CSTPP1: variants seen among roughly 807,000 people sequenced by gnomAD.
CSTPP1 encodes UPF0705 protein C11orf49.
the CSTPP1 span, among the ~76,000 whole-genome samples, chr11:47,069,035 T>G: frequency 6.6e-6 from 1 of 152,210 alleles, no homozygotes; most frequent in Non-Finnish European, 1.5e-5. Context: ...ATATTAAAAT[T>G]TACTGTGTAA....
At chr11:47,101,183 TTTTTTTA>T in the CSTPP1 span, among the ~76,000 whole-genome samples, 5 of 99,156 alleles carry the variant, frequency 5.0e-5, no homozygotes, top group East Asian at 2.2e-4. Flanking sequence ...TTTTTTTTTT[TTTTTTTA>T]TTTTATTTTT....
At chr11:46,942,371 G>A in the CSTPP1 span, among the ~76,000 whole-genome samples, 1 of 152,136 alleles carries the variant, frequency 6.6e-6, no homozygotes, top group Non-Finnish European at 1.5e-5. Context: ...AGAGCCAAAG[G>A]GCAGCCTGTT....
the CSTPP1 span, among the ~76,000 whole-genome samples, chr11:47,110,890 CTT>C: frequency 1.4e-4 from 18 of 125,428 alleles, no homozygotes; most frequent in Non-Finnish European, 1.2e-4. Flanking sequence ...GAGAACACAT[CTT>C]TTTTTTTTTT....
At chr11:47,038,706 G>A in the CSTPP1 span, among the ~76,000 whole-genome samples, 1 of 124,746 alleles carries the variant, frequency 8.0e-6, no homozygotes, top group African/African-American at 2.5e-5. Context: ...CCTGCCGGAC[G>A]AGGTGGCTCC....
At chr11:47,123,047 T>G in the CSTPP1 span, 1 of 152,220 alleles carries the variant, frequency 6.6e-6, no homozygotes, top group Admixed American at 6.5e-5. Context: ...GGAACCATAC[T>G]CTATATGACA....
the CSTPP1 span, chr11:47,041,637 GT>G: frequency 4.8e-6 from 2 of 420,852 alleles, no homozygotes; most frequent in African/African-American, 1.9e-5. Context: ...TGCTCAGCAT[GT>G]TTTCCTTCTC....
the CSTPP1 span, among the ~76,000 whole-genome samples, chr11:46,954,993 C>G: frequency 6.6e-6 from 1 of 152,124 alleles, no homozygotes; most frequent in Non-Finnish European, 1.5e-5. Context: ...CCCAAAGGGG[C>G]TCAGTCTCCT....
chr11:47,138,375 T>G, the CSTPP1 span, among the ~76,000 whole-genome samples: 1 of 152,224 alleles, frequency 6.6e-6, no homozygotes, highest in Admixed American at 6.5e-5. Flanking sequence ...GGATTACAAT[T>G]CGGGTTGAGA....
the CSTPP1 span, among the ~76,000 whole-genome samples, chr11:47,079,164 C>A: frequency 1.3e-5 from 2 of 151,822 alleles, no homozygotes; most frequent in African/African-American, 4.8e-5. Context: ...TCATGAGCAA[C>A]GAAAAAGAAA....
chr11:47,046,510 T>C, the CSTPP1 span, among the ~76,000 whole-genome samples: 1 of 151,836 alleles, frequency 6.6e-6, no homozygotes, highest in Non-Finnish European at 1.5e-5. Flanking sequence ...CTATAAAACA[T>C]TGCTGAATGA....
At chr11:47,102,897 C>G in the CSTPP1 span, among the ~76,000 whole-genome samples, 1 of 150,916 alleles carries the variant, frequency 6.6e-6, no homozygotes, top group African/African-American at 2.4e-5. Flanking sequence ...TGTGGTTAAG[C>G]CTTTAAGGTA....
the CSTPP1 span, chr11:47,157,787 C>G: frequency 8.1e-6 from 13 of 1,606,468 alleles, no homozygotes; most frequent in African/African-American, 2.7e-5. Context: ...TGGCTAGGCT[C>G]TGAATGTGGC....
chr11:47,001,375 A>G, the CSTPP1 span, among the ~76,000 whole-genome samples: 1 of 152,224 alleles, frequency 6.6e-6, no homozygotes, highest in Non-Finnish European at 1.5e-5. Flanking sequence ...CAGTTTTTAG[A>G]AAAGGAGCAT....
chr11:46,951,295 CTTTTTTTTT>C, the CSTPP1 span, among the ~76,000 whole-genome samples: 1 of 127,682 alleles, frequency 7.8e-6, no homozygotes, highest in African/African-American at 3.1e-5. Flanking sequence ...TCCTTAGACT[CTTTTTTTTT>C]TTTTTTTTTT....
At chr11:47,135,695 C>T in the CSTPP1 span, among the ~76,000 whole-genome samples, 1 of 152,186 alleles carries the variant, frequency 6.6e-6, no homozygotes, top group African/African-American at 2.4e-5. Flanking sequence ...TATTTGCTTG[C>T]ATTTTCATTA....
chr11:46,942,656 GC>G, the CSTPP1 span, among the ~76,000 whole-genome samples: 1 of 151,818 alleles, frequency 6.6e-6, no homozygotes, highest in Non-Finnish European at 1.5e-5. Flanking sequence ...TTTTTTTTAA[GC>G]TATAGTTTTT....
the CSTPP1 span, chr11:47,041,551 A>T: frequency 0.037 from 14,522 of 394,584 alleles, 4,009 homozygotes; most frequent in Non-Finnish European, 0.056. Flanking sequence ...CACCAGCCTC[A>T]TGACCTCAGC....
chr11:47,041,815 C>T, the CSTPP1 span: 4 of 450,396 alleles, frequency 8.9e-6, no homozygotes, highest in Non-Finnish European at 1.8e-5. Context: ...ACTTTCATGC[C>T]CTTTTGATAG....
chr11:47,155,016 T>C, the CSTPP1 span: 16 of 659,642 alleles, frequency 2.4e-5, no homozygotes, highest in African/African-American at 2.9e-4. Flanking sequence ...TTGGGAGCCC[T>C]CTCCTAAATG....
Sources: gnomAD v4.1 joint callset for allele counts (sites outside exome capture counted in the v4.1 genomes callset) on GRCh38, gnomAD v4.1.1 for gene constraint, MANE v1.5 for transcripts, NCBI Gene and HGNC (gene_info 2026-07-23, HGNC 2026-07-21) for gene names.